The following WDFY4 variants were observed in gnomAD, a reference collection of about 807,000 sequenced individuals.
WDFY4 encodes WD repeat- and FYVE domain-containing protein 4.
WDFY4 carries 169 observed loss-of-function variants against 351.9 expected under a neutral mutation model. The observed-to-expected ratio is 0.48, with a 90% CI of 0.42 to 0.55. The LOEUF is 0.55. Ranked by LOEUF, WDFY4 falls within the 20% of genes least tolerant of loss-of-function variation. WDFY4 has a pLI of 0.00. For missense variants in WDFY4, 3,803 were observed against 3,935.6 expected, an observed-to-expected ratio of 0.97 and a Z score of 0.90; for synonymous variants, 1,622 against 1,574.6, an observed-to-expected ratio of 1.03 and a Z score of -0.71.
intron 54 of WDFY4, among the ~76,000 whole-genome samples, chr10:48,965,921 A>C (rs1445713959): frequency 6.6e-6 from 1 of 152,192 alleles, no homozygotes; most frequent in Admixed American, 6.5e-5. Context: ...CAAGGACTCA[A>C]CCAGGCAGCA....
At chr10:48,880,335 C>A (rs929720996) in intron 43 of WDFY4, among the ~76,000 whole-genome samples, 10 of 152,328 alleles carry the variant, frequency 6.6e-5, no homozygotes, top group African/African-American at 2.4e-4. Context: ...CCTCAGGGAT[C>A]TTGCTGGGGG....
intron 45 of WDFY4, among the ~76,000 whole-genome samples, chr10:48,899,525 C>A (rs1837250954): frequency 6.6e-6 from 1 of 151,884 alleles, no homozygotes; most frequent in East Asian, 1.9e-4. Context: ...CTCTCCCTAA[C>A]TCTCCCTTCA....
intron 51 of WDFY4, among the ~76,000 whole-genome samples, chr10:48,947,440 C>T (rs536538910): frequency 7.2e-5 from 11 of 152,214 alleles, no homozygotes; most frequent in Non-Finnish European, 1.5e-4. Context: ...CACCCATACG[C>T]TAACAGACCA....
chr10:48,975,164 A>G lies in WDFY4; in HGVS notation c.9108+123A>G, dbSNP rs547176734. ...CCCCAGAATGCTGAGAGGGCCCCCA[A>G]TTGTGTGGAACAGTCGCTGTAGATC... is the stretch of plus-strand genomic sequence containing the variant. On this transcript the variant is annotated intron_variant, in intron 58 of 61. Coordinates refer to ENST00000325239, the MANE Select transcript of WDFY4 (RefSeq NM_001394531.1). 537 of 1,296,216 alleles carry G rather than the reference A, an allele frequency of 4.1e-4. No individual in the cohort carries two copies. The African/African-American group carries it at 5.9e-3, about 14-fold the overall frequency. The allele number at this position is 1,296,216 out of a possible 1,614,324, so 80.3% of individuals were successfully genotyped here.
intron 1 of WDFY4, among the ~76,000 whole-genome samples, chr10:48,705,469 G>C (rs1276218867): frequency 6.6e-6 from 1 of 152,094 alleles, no homozygotes; most frequent in African/African-American, 2.4e-5. Context: ...CTTGTAGGTG[G>C]GGCACTTCTT....
intron 39 of WDFY4, among the ~76,000 whole-genome samples, chr10:48,832,958 G>A (rs547161603): frequency 5.2e-4 from 79 of 152,306 alleles, no homozygotes; most frequent in Non-Finnish European, 9.8e-4. Flanking sequence ...GCAGCAGCTA[G>A]GGGTGTGAGC....
chr10:48,897,708 A>T, intron 45 of WDFY4, 134 bp downstream of exon 45: 2 of 1,370,210 alleles, frequency 1.5e-6, no homozygotes, highest in Non-Finnish European at 1.9e-6. Flanking sequence ...GCCCTTAAGG[A>T]GACACCCGCA....
chr10:48,857,592 T>A (rs988428841), intron 39 of WDFY4, among the ~76,000 whole-genome samples: 2 of 152,178 alleles, frequency 1.3e-5, no homozygotes, highest in African/African-American at 4.8e-5. Flanking sequence ...ATTTTGAGAA[T>A]CATTAGTATG....
intron 43 of WDFY4, among the ~76,000 whole-genome samples, chr10:48,877,546 C>A (rs891040924): frequency 4.6e-5 from 7 of 152,234 alleles, no homozygotes; most frequent in Non-Finnish European, 1.5e-5. Context: ...AGCATCTTGG[C>A]CCCCTGTTTG....
intron 47 of WDFY4, among the ~76,000 whole-genome samples, chr10:48,903,308 A>G (rs1266917318): frequency 7.2e-5 from 11 of 152,196 alleles, no homozygotes; most frequent in African/African-American, 2.7e-4. Flanking sequence ...GAAGCGTTGG[A>G]GGATTTTAAG....
chr10:48,844,363 G>A (rs951022326), intron 39 of WDFY4, among the ~76,000 whole-genome samples: 7 of 152,234 alleles, frequency 4.6e-5, no homozygotes, highest in East Asian at 3.9e-4. Flanking sequence ...AGACCAAGGC[G>A]AGTGGATCAC....
chr10:48,967,563 T>C (rs1842138460), intron 55 of WDFY4: 1 of 151,660 alleles, frequency 6.6e-6, no homozygotes, highest in Admixed American at 6.6e-5. Flanking sequence ...TTCAGTGGCT[T>C]CCTTGGCTGC....
chr10:48,698,771 G>A (rs545513960), intron 1 of WDFY4, among the ~76,000 whole-genome samples: 1 of 152,310 alleles, frequency 6.6e-6, no homozygotes, highest in East Asian at 1.9e-4. Flanking sequence ...CTTTATCCAG[G>A]ACAGCCATGC....
intron 47 of WDFY4, among the ~76,000 whole-genome samples, chr10:48,932,282 C>T (rs1305890529): frequency 6.6e-6 from 1 of 152,166 alleles, no homozygotes; most frequent in Non-Finnish European, 1.5e-5. Flanking sequence ...CCATCACCTC[C>T]CTCAAACCAG....
At chr10:48,853,893 G>A (rs1381606064) in intron 39 of WDFY4, among the ~76,000 whole-genome samples, 4 of 148,964 alleles carry the variant, frequency 2.7e-5, no homozygotes, top group Admixed American at 1.3e-4. Flanking sequence ...TCGTAATCTA[G>A]TGCCTGGAAA....
chr10:48,952,338 A>G (rs1156800886), intron 51 of WDFY4, among the ~76,000 whole-genome samples: 1 of 152,222 alleles, frequency 6.6e-6, no homozygotes, highest in Non-Finnish European at 1.5e-5. Flanking sequence ...GGGGCTAGAC[A>G]TAGAAACTGC....
intron 39 of WDFY4, among the ~76,000 whole-genome samples, chr10:48,859,843 T>C (rs933993422): frequency 6.6e-6 from 1 of 152,254 alleles, no homozygotes; most frequent in South Asian, 2.1e-4. Context: ...CAATTTATTT[T>C]TGGAGACTTT....
intron 46 of WDFY4, among the ~76,000 whole-genome samples, chr10:48,900,667 T>C (rs1048392945): frequency 3.0e-4 from 45 of 152,238 alleles, no homozygotes; most frequent in African/African-American, 1.0e-3. Flanking sequence ...CAAGTAATTT[T>C]TTTGGCTTAA....
rs1298998382 is a variant in WDFY4 at position 48,974,957 on chromosome 10, G to A, written c.9024G>A (p.Leu3008=). 21 of 1,551,574 alleles carry A rather than the reference G, an allele frequency of 1.4e-5. No individual in the cohort carries two copies. The highest frequency in any genetic ancestry group is 1.7e-5 in the Non-Finnish European group (19 of 1,147,008). ...VSGSQDCTCI[L]WDLDHLTHVT... is the part of the protein sequence containing the mutation. ...GCTCCCAGGACTGCACCTGTATCCTGTGGGATCTGGACCACCTCACCCACG... is the reference window on the plus strand; with the variant it reads ...GCTCCCAGGACTGCACCTGTATCCTATGGGATCTGGACCACCTCACCCACG... Residue 3008 remains leucine (L), a synonymous_variant, in exon 58 of 62, where the codon CTG becomes CTA. Coordinates refer to ENST00000325239, the MANE Select transcript of WDFY4 (RefSeq NM_001394531.1).
Sources: allele counts gnomAD v4.1 joint callset (sites outside exome capture counted in the v4.1 genomes callset), GRCh38; gene constraint gnomAD v4.1.1; transcripts MANE v1.5; gene names NCBI Gene and HGNC (gene_info 2026-07-23, HGNC 2026-07-21).